HINFP: variants seen among roughly 807,000 people sequenced by gnomAD.
HINFP encodes the protein histone H4 transcription factor, also known as MBD2 (methyl-CpG-binding protein)-interacting zinc finger protein.
In HINFP, 20 loss-of-function variants were observed where a neutral mutation model predicts 50.1. The ratio of observed to expected loss-of-function variants is 0.40; its 90% CI spans 0.28 to 0.58. The LOEUF (loss-of-function observed/expected upper bound fraction) is 0.58. Among genes scored for constraint, HINFP ranks in the 20% least tolerant of loss-of-function variants. The pLI is 0.45. For missense variants in HINFP, 505 were observed against 664.1 expected, an observed-to-expected ratio of 0.76 and a Z score of 2.63; for synonymous variants, 247 against 243.7, an observed-to-expected ratio of 1.01 and a Z score of -0.13.
intron 2 of HINFP, chr11:119,130,375 CCTCTGTTTAATG>C: frequency 3.7e-6 from 1 of 273,034 alleles, no homozygotes; most frequent in Non-Finnish European, 7.1e-6. Flanking sequence ...TGTCAAATGA[CCTCTGTTTAATG>C]CTTTTATAGC....
intron 2 of HINFP, 48 bp downstream of exon 2, chr11:119,127,173 A>G (rs1404861023): frequency 6.8e-7 from 1 of 1,463,970 alleles, no homozygotes; most frequent in Admixed American, 2.5e-5. Flanking sequence ...GAAAGGTGGA[A>G]AATCTGACTT....
Position 119,132,765 on chromosome 11 carries a change from G to T in HINFP, c.859G>T (p.Asp287Tyr). The change falls in exon 7 of 10, where the codon GAC becomes TAC. Residue 287 changes from aspartate (D) to tyrosine (Y), a missense_variant. Coordinates refer to ENST00000350777, the MANE Select transcript of HINFP (RefSeq NM_198971.3). ...CAGTGAGGACCGGCCCTTTAAATGT[G>T]ACTGTTGTGACTACAGGTAAGGGGG... Reference protein sequence around the residue: ...RHSEDRPFKCDCCDYSCKNLI... With the variant: ...RHSEDRPFKCYCCDYSCKNLI... 3 of 1,613,516 alleles carry T rather than the reference G, an allele frequency of 1.9e-6. No individual in the cohort carries two copies. The highest frequency in any genetic ancestry group is 1.7e-6 in the Non-Finnish European group (2 of 1,180,042).
Position 119,134,206 on chromosome 11 carries a change from A to C in HINFP, c.1262A>C (p.Glu421Ala), listed in dbSNP as rs759637112. ...EGSGLGTSLNESSLQGIILET... is the reference protein window; with the variant it reads ...EGSGLGTSLNASSLQGIILET... ...TCGGGCCTGGGAACGTCGCTGAACG[A>C]GAGCAGCCTGCAGGGCATTATTCTA... The change falls in exon 10 of 10, where the codon GAG becomes GCG. Residue 421 changes from glutamate (E) to alanine (A), a missense_variant. Physicochemically the swap from Glu to Ala is moderately radical, Grantham distance 107. Transcript: ENST00000350777. The surrounding 1 kb of genome is among the most constrained non-coding windows in gnomAD (Gnocchi z 4.3). 8.1e-6 allele frequency: 13 copies of C among 1,614,140 alleles called. No individual in the cohort carries two copies. The Admixed American group carries it at 2.0e-4, about 25-fold the overall frequency.
intron 1 of HINFP, chr11:119,123,995 T>A (rs1457987996): frequency 2.0e-5 from 3 of 152,168 alleles, no homozygotes; most frequent in African/African-American, 7.2e-5. Context: ...GATTTTTGTA[T>A]TTTTAGTAGA....
At position 119,135,625 on chromosome 11, in the gene HINFP, A is replaced by G. The variant is rs947158431; in HGVS notation, c.*1127A>G. 1 of 152,188 alleles carries G rather than the reference A, an allele frequency of 6.6e-6. No individual in the cohort carries two copies. Among genetic ancestry groups the G allele is most frequent in the African/African-American group, 2.4e-5 (1 of 41,452 alleles). The allele number at this position is 152,188 out of a possible 1,614,324, so 9.4% of individuals were successfully genotyped here. The stretch of plus-strand genomic sequence containing the variant: ...AGCTGCTTCTCAGCACCCTGTGTCC[A>G]TTTTTATGGTCTACTGCTATGCTGG... On this transcript the variant is annotated 3_prime_UTR_variant, in exon 10 of 10. Coordinates refer to ENST00000350777, the MANE Select transcript of HINFP (RefSeq NM_198971.3).
intron 1 of HINFP, chr11:119,124,346 T>C (rs1006009231): frequency 2.6e-5 from 4 of 152,112 alleles, no homozygotes; most frequent in African/African-American, 9.7e-5. Flanking sequence ...AAAGGCCTTT[T>C]TTCAGAGTTC....
At chr11:119,133,387 T>C (rs1947891169) in intron 9 of HINFP, 168 bp downstream of exon 9, 3 of 716,432 alleles carry the variant, frequency 4.2e-6, no homozygotes, top group Non-Finnish European at 6.9e-6. Flanking sequence ...GAGACCAGCC[T>C]GGCCAACATG....
At position 119,132,570 on chromosome 11, in the gene HINFP, C is replaced by G. The variant is rs1565800099; in HGVS notation, c.751C>G (p.His251Asp). Residue 251 changes from histidine (H) to aspartate (D), a missense_variant, in exon 6 of 10, where the codon CAT becomes GAT. Physicochemically the swap from His to Asp is moderately conservative, Grantham distance 81. Coordinates refer to ENST00000350777, the MANE Select transcript of HINFP (RefSeq NM_198971.3). ...GCTATTGCGGGACCACATGCGCAAC[C>G]ATGGTGAGTGGCCTGCGGCCCACAG... is the stretch of plus-strand genomic sequence containing the variant. Reference protein sequence around the residue: ...ERLLRDHMRNHVNHYKCPLCD... With the variant: ...ERLLRDHMRNDVNHYKCPLCD... 5 of 1,614,152 alleles carry G rather than the reference C, an allele frequency of 3.1e-6. No individual in the cohort carries two copies.
rs535289656 is a variant in HINFP, at chr11:119,122,725, G to A, written c.-11+1086G>A. On this transcript the variant is annotated intron_variant, in intron 1 of 9. Transcript: ENST00000350777. ...TTCATTGCATTGATAGCAAAGATGTGTGTGGATGCCGTGGGCAAGAGATGG... is the reference window on the plus strand; with the variant it reads ...TTCATTGCATTGATAGCAAAGATGTATGTGGATGCCGTGGGCAAGAGATGG... Among the ~76,000 whole-genome samples the A allele has an allele frequency of 3.0e-4, 46 of 152,196 alleles. 1 individual carries two copies. Among genetic ancestry groups the A allele is most frequent in the Non-Finnish European group, 5.3e-4 (36 of 68,032 alleles).
intron 2 of HINFP, chr11:119,130,044 T>A (rs1376855065): frequency 6.6e-6 from 1 of 152,352 alleles, no homozygotes; most frequent in Non-Finnish European, 1.5e-5. Context: ...TGCTTAGGGA[T>A]GCTAGAGAGA....
rs1418920449 is a variant in HINFP at position 119,134,042 on chromosome 11, C to G, written c.1140-42C>G. ...GCCAGCCTCGGCCATTTCTGTATCC[C>G]CCTGCCTGGGTTTGCTGCCCTTTAT... On this transcript the variant is annotated intron_variant, in intron 9 of 9. Transcript: ENST00000350777. This position sits in a 1 kb window ranked among gnomAD's most constrained non-coding sequence, Gnocchi z 4.3. 2 of 1,613,320 alleles carry G rather than the reference C, an allele frequency of 1.2e-6. No homozygotes were observed. Among genetic ancestry groups the G allele is most frequent in the East Asian group, 2.2e-5 (1 of 44,856 alleles).
rs1947979262 is a variant in HINFP, at chr11:119,134,685, A to G, written c.*187A>G. On this transcript the variant is annotated 3_prime_UTR_variant, in exon 10 of 10. Transcript: ENST00000350777. This position sits in a 1 kb window ranked among gnomAD's most constrained non-coding sequence, Gnocchi z 4.3. ...AAAGACTTCCCTTTTCTGCCAGACT[A>G]CATTTTGTGGGGAGCCTGAGGACTC... 3 of 533,696 alleles carry G rather than the reference A, an allele frequency of 5.6e-6. No homozygotes were observed. The highest frequency in any genetic ancestry group is 3.7e-5 in the African/African-American group (2 of 53,384). 33.1% of individuals were successfully genotyped at this position (533,696 alleles called of 1,614,324 possible).
In HINFP at chr11:119,131,484, T is replaced by C. The variant is rs370907047; in HGVS notation, c.412-51T>C. On this transcript the variant is annotated intron_variant, in intron 3 of 9. Coordinates refer to ENST00000350777, the MANE Select transcript of HINFP (RefSeq NM_198971.3). This position sits in a 1 kb window ranked among gnomAD's most constrained non-coding sequence, Gnocchi z 4.2. Reference sequence around the variant, plus strand: ...CAAGAATTCTTCGGGCACATAGGGGTGAGTCCCTCTACCCACCCTCAGTCC... The same window carrying C: ...CAAGAATTCTTCGGGCACATAGGGGCGAGTCCCTCTACCCACCCTCAGTCC... 3 of 1,233,678 alleles carry C rather than the reference T, an allele frequency of 2.4e-6. No individual in the cohort carries two copies. The African/African-American group carries it at 4.4e-5, about 18-fold the overall frequency. 76.4% of individuals were successfully genotyped at this position (1,233,678 alleles called of 1,614,324 possible).
chr11:119,124,405 G>T (rs1483753176), intron 1 of HINFP: 1 of 152,160 alleles, frequency 6.6e-6, no homozygotes, highest in Non-Finnish European at 1.5e-5. Context: ...GGGTCAGCAA[G>T]AATCCGTGAG....
intron 1 of HINFP, among the ~76,000 whole-genome samples, chr11:119,123,578 T>TA (rs1947208172): frequency 2.6e-5 from 4 of 151,528 alleles, no homozygotes; most frequent in Admixed American, 2.0e-4. Context: ...GGTCTGGGTC[T>TA]GCCGCCCAGG....
chr11:119,134,490 A>G lies in HINFP; in HGVS notation c.1546A>G (p.Met516Val). The change falls in exon 10 of 10, where the codon ATG becomes GTG. Residue 516 changes from methionine to valine, a missense_variant. Coordinates refer to ENST00000350777, the MANE Select transcript of HINFP (RefSeq NM_198971.3). This position sits in a 1 kb window ranked among gnomAD's most constrained non-coding sequence, Gnocchi z 4.3. The part of the protein sequence containing the change: ...QGIAEEPEIQ[M>V]V ...AATAGCTGAGGAGCCAGAGATCCAG[A>G]TGGTTTGAAGGCCGCAGAGCCAGAC... 6.2e-7 allele frequency: 1 copy of G among 1,600,116 alleles called. No homozygotes were observed. Among genetic ancestry groups the G allele is most frequent in the Non-Finnish European group, 8.5e-7 (1 of 1,171,350 alleles).
Position 119,131,499 on chromosome 11 carries a change from A to C in HINFP, c.412-36A>C. The C allele has an allele frequency of 7.0e-7, 1 of 1,428,724 alleles. No individual in the cohort carries two copies. Among genetic ancestry groups the C allele is most frequent in the Non-Finnish European group, 9.9e-7 (1 of 1,010,614 alleles). The allele number at this position is 1,428,724 out of a possible 1,614,324, so 88.5% of individuals were successfully genotyped here. On this transcript the variant is annotated intron_variant, in intron 3 of 9. Coordinates refer to ENST00000350777, the MANE Select transcript of HINFP (RefSeq NM_198971.3). The surrounding 1 kb of genome is among the most constrained non-coding windows in gnomAD (Gnocchi z 4.2). Reference sequence around the variant, plus strand: ...CACATAGGGGTGAGTCCCTCTACCCACCCTCAGTCCTCACCCCAAGTTGCC... The same window carrying C: ...CACATAGGGGTGAGTCCCTCTACCCCCCCTCAGTCCTCACCCCAAGTTGCC...
At chr11:119,125,975 C>T (rs554536493) in intron 1 of HINFP, 31 of 152,250 alleles carry the variant, frequency 2.0e-4, no homozygotes, top group African/African-American at 6.7e-4. Flanking sequence ...CCAACATGAC[C>T]CTACCATTAC....
Position 119,131,718 on chromosome 11 carries a change from A to G in HINFP, c.523+72A>G. 1 of 1,586,094 alleles carries G rather than the reference A, an allele frequency of 6.3e-7. No homozygotes were observed. The highest frequency in any genetic ancestry group is 8.7e-7 in the Non-Finnish European group (1 of 1,155,322). ...TCCTGAAGAGCTGGGACAGAAAGGG[A>G]TAGGGGTCCTACAGGGGCAAGGTTG... On this transcript the variant is annotated intron_variant, in intron 4 of 9. Transcript: ENST00000350777. The surrounding 1 kb of genome is among the most constrained non-coding windows in gnomAD (Gnocchi z 4.2).
Sources: allele counts gnomAD v4.1 joint callset (sites outside exome capture counted in the v4.1 genomes callset), GRCh38; gene constraint gnomAD v4.1.1; non-coding constraint Gnocchi (gnomAD v3.1); transcripts MANE v1.5; gene names NCBI Gene and HGNC (gene_info 2026-07-23, HGNC 2026-07-21).